The following NOX4 variants were observed in gnomAD, a reference collection of about 807,000 sequenced individuals.
NOX4 encodes kidney oxidase-1.
In NOX4, 69 loss-of-function variants were observed where a neutral mutation model predicts 87.6. That is an observed-to-expected ratio of 0.79 (90% CI 0.65 to 0.96). NOX4 has a LOEUF of 0.96. Ranked by LOEUF, NOX4 falls within the 40% of genes least tolerant of loss-of-function variation. The pLI is 0.00. For missense variants in NOX4, 680 were observed against 681.5 expected, an observed-to-expected ratio of 1.00 and a Z score of 0.02; for synonymous variants, 275 against 238.2, an observed-to-expected ratio of 1.15 and a Z score of -1.42.
chr11:89,512,725 A>C, the NOX4 span, among the ~76,000 whole-genome samples: 1 of 152,090 alleles, frequency 6.6e-6, no homozygotes, highest in South Asian at 2.1e-4. Flanking sequence ...TGCTGCGATT[A>C]ATCTTAATCT....
At chr11:89,374,938 G>A (rs373148257) in intron 11 of NOX4, among the ~76,000 whole-genome samples, 4 of 152,194 alleles carry the variant, frequency 2.6e-5, no homozygotes, top group Non-Finnish European at 4.4e-5. Context: ...GCTATAAGGA[G>A]AGAAATAAAT....
At chr11:89,435,206 T>A (rs1440803589) in intron 6 of NOX4, among the ~76,000 whole-genome samples, 1 of 152,050 alleles carries the variant, frequency 6.6e-6, no homozygotes, top group Admixed American at 6.6e-5. Flanking sequence ...AAAACCTTTA[T>A]TTGTCCACAT....
At chr11:89,576,007 G>C in the NOX4 span, among the ~76,000 whole-genome samples, 2 of 152,166 alleles carry the variant, frequency 1.3e-5, no homozygotes, top group East Asian at 1.9e-4. Context: ...TAACAAGACT[G>C]TATTTCTCTG....
At chr11:89,433,038 TTG>T (rs1420087262) in intron 6 of NOX4, among the ~76,000 whole-genome samples, 182 bp from the exon 7 acceptor site, 3 of 152,300 alleles carry the variant, frequency 2.0e-5, no homozygotes, top group East Asian at 3.9e-4. Context: ...AAATTAATTT[TTG>T]ATTGACAGAT....
At chr11:89,534,943 A>G in the NOX4 span, among the ~76,000 whole-genome samples, 4 of 152,208 alleles carry the variant, frequency 2.6e-5, no homozygotes, top group Admixed American at 6.5e-5. Context: ...AATTCTCTAA[A>G]AGCCTGAACT....
At chr11:89,403,786 T>G (rs1388134082) in intron 8 of NOX4, among the ~76,000 whole-genome samples, 1 of 152,122 alleles carries the variant, frequency 6.6e-6, no homozygotes, top group East Asian at 1.9e-4. Context: ...ACAAAAATAA[T>G]ATTTTTAAAC....
intron 13 of NOX4, among the ~76,000 whole-genome samples, chr11:89,347,330 C>A (rs1191363537): frequency 1.3e-5 from 2 of 152,192 alleles, no homozygotes; most frequent in Non-Finnish European, 2.9e-5. Context: ...AAAAGCAGCC[C>A]ACATGGCAGA....
intron 1 of NOX4, 27 bp downstream of exon 1, chr11:89,491,163 C>T: frequency 6.2e-7 from 1 of 1,609,822 alleles, no homozygotes; most frequent in Non-Finnish European, 8.5e-7. Context: ...AGAGAGAACG[C>T]AAGGAGAGCC....
intron 4 of NOX4, among the ~76,000 whole-genome samples, chr11:89,446,749 AT>A (rs1944726912): frequency 6.6e-6 from 1 of 152,122 alleles, no homozygotes; most frequent in Non-Finnish European, 1.5e-5. Context: ...AGCACAGAGG[AT>A]TTTTAGGGCA....
chr11:89,337,956 A>G (rs532382174), intron 15 of NOX4, among the ~76,000 whole-genome samples: 1 of 152,130 alleles, frequency 6.6e-6, no homozygotes, highest in African/African-American at 2.4e-5. Context: ...AAACAAATAG[A>G]CACTTTTTCC....
At chr11:89,567,418 T>A in the NOX4 span, among the ~76,000 whole-genome samples, 1 of 152,216 alleles carries the variant, frequency 6.6e-6, no homozygotes, top group Non-Finnish European at 1.5e-5. Context: ...AACCCCAGTC[T>A]ATTCGTTCAT....
At chr11:89,508,959 G>A in the NOX4 span, among the ~76,000 whole-genome samples, 2 of 152,072 alleles carry the variant, frequency 1.3e-5, no homozygotes, top group African/African-American at 4.8e-5. Context: ...TTTAAAAATG[G>A]TGTTTTCCTA....
At chr11:89,385,820 G>GA (rs1242441980) in intron 11 of NOX4, among the ~76,000 whole-genome samples, 1 of 152,108 alleles carries the variant, frequency 6.6e-6, no homozygotes, top group Non-Finnish European at 1.5e-5. Flanking sequence ...ACTTTCATTG[G>GA]ATGGATAGAG....
chr11:89,402,597 G>C, intron 8 of NOX4, 55 bp from the exon 9 acceptor site: 2 of 1,305,624 alleles, frequency 1.5e-6, no homozygotes, highest in African/African-American at 1.5e-5. Context: ...TGAGATCAGG[G>C]GACACGGTAA....
At chr11:89,444,326 C>G (rs908195166) in intron 4 of NOX4, 94 bp from the exon 5 acceptor site, 1 of 888,462 alleles carries the variant, frequency 1.1e-6, no homozygotes, top group Admixed American at 2.1e-5. Flanking sequence ...AATACAGGGC[C>G]AAACTTTGAC....
At chr11:89,331,194 A>G (rs1469703345) in intron 17 of NOX4, among the ~76,000 whole-genome samples, 1 of 152,022 alleles carries the variant, frequency 6.6e-6, no homozygotes, top group Non-Finnish European at 1.5e-5. Context: ...AGATATCTGG[A>G]AAATTTCCTC....
the NOX4 span, among the ~76,000 whole-genome samples, chr11:89,574,530 C>T: frequency 6.6e-6 from 1 of 152,126 alleles, no homozygotes; most frequent in African/African-American, 2.4e-5. Flanking sequence ...TTTTGTTTAG[C>T]TCTTTGTTAT....
At chr11:89,553,977 G>C in the NOX4 span, among the ~76,000 whole-genome samples, 1 of 151,576 alleles carries the variant, frequency 6.6e-6, no homozygotes, top group African/African-American at 2.4e-5. Context: ...TGGCAGGCAG[G>C]GTACTAACTC....
intron 4 of NOX4, among the ~76,000 whole-genome samples, chr11:89,445,348 C>T (rs916597836): frequency 5.3e-5 from 8 of 151,414 alleles, no homozygotes; most frequent in African/African-American, 1.7e-4. Flanking sequence ...CTCACACACA[C>T]ACACACACAA....
Sources: gnomAD v4.1 joint callset for allele counts (sites outside exome capture counted in the v4.1 genomes callset) on GRCh38, gnomAD v4.1.1 for gene constraint, MANE v1.5 for transcripts, NCBI Gene and HGNC (gene_info 2026-07-23, HGNC 2026-07-21) for gene names.